RYR1: variants seen among roughly 807,000 people sequenced by gnomAD.
The protein encoded by RYR1 is central core disease of muscle.
Under a neutral mutation model 583.5 loss-of-function variants are expected in RYR1, and 342 were observed. That is an observed-to-expected ratio of 0.59 (90% CI 0.54 to 0.64). The LOEUF (loss-of-function observed/expected upper bound fraction) is 0.64, where lower values mean the gene tolerates loss of function less well. Ranked by LOEUF, RYR1 falls within the 30% of genes least tolerant of loss-of-function variation. The pLI, the probability that RYR1 is intolerant of heterozygous loss-of-function variation, is 0.00. For missense variants in RYR1, 6,032 were observed against 6,917.2 expected (o/e 0.87, Z 4.54); for synonymous variants, 2,791 against 2,822.5 (o/e 0.99, Z 0.35).
chr19:38,570,477 A>T (rs1177327799), intron 93 of RYR1, 130 bp from the exon 94 acceptor site: 3 of 473,084 alleles, frequency 6.3e-6, no homozygotes, highest in Non-Finnish European at 1.1e-5. Flanking sequence ...AATAATTAAT[A>T]AATAAATAGG....
At position 38,529,010 on chromosome 19, in the gene RYR1, G is replaced by A. The variant is rs941520055; in HGVS notation, c.11094G>A (p.Leu3698=). The change falls in exon 76 of 106, where the codon CTG becomes CTA. Residue 3698 remains leucine (L), a synonymous_variant. Transcript: ENST00000359596. The part of the protein sequence containing the change: ...EEVEEKKPDP[L]HQLVLHFSRT... ...TGGAAGAGAAGAAGCCAGACCCCCT[G>A]CACCAGTTGGTCCTGCACTTCAGCC... 6.2e-7 allele frequency: 1 copy of A among 1,613,800 alleles called. No homozygotes were observed. The highest frequency in any genetic ancestry group is 1.3e-5 in the African/African-American group (1 of 74,928).
Position 38,496,354 on chromosome 19 carries a change from G to A in RYR1, c.6663+25G>A. ...GGTGAGGGCCCAGGCAGGTGCTGGG[G>A]AGCTCAGGGGAGGCAGCCACAGAGG... On this transcript the variant is annotated intron_variant, in intron 40 of 105. Transcript: ENST00000359596. The surrounding 1 kb of genome is among the most constrained non-coding windows in gnomAD (Gnocchi z 4.8). The A allele has an allele frequency of 6.2e-7, 1 of 1,613,800 alleles. No individual in the cohort carries two copies. The highest frequency in any genetic ancestry group is 8.5e-7 in the Non-Finnish European group (1 of 1,180,034).
intron 37 of RYR1, 46 bp downstream of exon 37, chr19:38,490,778 C>A (rs367819613): frequency 1.6e-6 from 2 of 1,236,518 alleles, no homozygotes; most frequent in African/African-American, 1.5e-5. Flanking sequence ...AACTTTCTCT[C>A]GAGACCTCTC....
chr19:38,521,410 G>A (rs958401366), intron 67 of RYR1, among the ~76,000 whole-genome samples: 3 of 151,242 alleles, frequency 2.0e-5, no homozygotes, highest in Admixed American at 2.0e-4. Flanking sequence ...GCAGTGGCTC[G>A]TGACTGTAAT....
intron 28 of RYR1, among the ~76,000 whole-genome samples, chr19:38,474,980 C>T (rs191148421): frequency 3.9e-5 from 6 of 152,100 alleles, no homozygotes. Flanking sequence ...AAAACAGTGC[C>T]GCACAATGAA....
intron 1 of RYR1, among the ~76,000 whole-genome samples, chr19:38,437,514 G>A (rs1466342978): frequency 6.6e-6 from 1 of 151,944 alleles, no homozygotes; most frequent in African/African-American, 2.4e-5. Flanking sequence ...TGGAAAATGG[G>A]GACAAGATTA....
chr19:38,469,674 A>G (rs1968313726), intron 27 of RYR1, among the ~76,000 whole-genome samples, 161 bp downstream of exon 27: 1 of 152,154 alleles, frequency 6.6e-6, no homozygotes, highest in Non-Finnish European at 1.5e-5. Context: ...CTCCGGGTGT[A>G]ACTTTGGCAA....
At chr19:38,491,166 T>C (rs1237765811) in intron 37 of RYR1, among the ~76,000 whole-genome samples, 3 of 152,240 alleles carry the variant, frequency 2.0e-5, no homozygotes, top group Non-Finnish European at 4.4e-5. Flanking sequence ...TATTTTTCCT[T>C]GGCTGACTTT....
At position 38,486,154 on chromosome 19, in the gene RYR1, C is replaced by T; in HGVS notation, c.5499C>T (p.Ser1833=). Residue 1833 remains serine (S), a synonymous_variant, in exon 34 of 106, where the codon TCC becomes TCT. Coordinates refer to ENST00000359596, the MANE Select transcript of RYR1 (RefSeq NM_000540.3). ...GQHARDPVGG[S]VEFQFVPVLK... ...ACGCTCGCGACCCCGTCGGGGGCTC[C>T]GTGGAGTTCCAGTTTGTGCCTGTGC... 1 of 1,613,096 alleles carries T rather than the reference C, an allele frequency of 6.2e-7. No homozygotes were observed. Among genetic ancestry groups the T allele is most frequent in the South Asian group, 1.1e-5 (1 of 91,082 alleles).
In RYR1 at chr19:38,584,978, T is replaced by C. The variant is rs1447997125; in HGVS notation, c.14682T>C (p.Ala4894=). Residue 4894 remains alanine, a synonymous_variant, in exon 102 of 106, where the codon GCT becomes GCC. Coordinates refer to ENST00000359596, the MANE Select transcript of RYR1 (RefSeq NM_000540.3). ...TTCACATGTACGTGGGTGTCCGGGCTGGCGGAGGCATTGGGGACGAGATCG... is the reference window on the plus strand; with the variant it reads ...TTCACATGTACGTGGGTGTCCGGGCCGGCGGAGGCATTGGGGACGAGATCG... ...YLFHMYVGVR[A]GGGIGDEIED... 1.2e-6 allele frequency: 2 copies of C among 1,614,026 alleles called. No homozygotes were observed. The highest frequency in any genetic ancestry group is 4.5e-5 in the East Asian group (2 of 44,864).
chr19:38,506,671 AC>A, intron 56 of RYR1, 125 bp downstream of exon 56: 4 of 1,471,210 alleles, frequency 2.7e-6, no homozygotes, highest in Non-Finnish European at 3.7e-6. Context: ...AGCGTTTACC[AC>A]CATGGGGTAA....
chr19:38,533,563 G>A (rs191582959), intron 78 of RYR1, among the ~76,000 whole-genome samples: 4 of 152,216 alleles, frequency 2.6e-5, no homozygotes, highest in South Asian at 2.1e-4. Context: ...AGGCCAAGGC[G>A]GGTGGATCAC....
Position 38,536,003 on chromosome 19 carries a change from G to A in RYR1, c.11523G>A (p.Leu3841=), listed in dbSNP as rs1429995167. 1 of 1,613,816 alleles carries A rather than the reference G, an allele frequency of 6.2e-7. No individual in the cohort carries two copies. The highest frequency in any genetic ancestry group is 1.1e-5 in the South Asian group (1 of 90,908). ...TTTCCTTTCTTTTCCTCAGCGTCCT[G>A]GATCTCAATGCCTTTGAGAGACAGA... ...IQALMQTCSV[L]DLNAFERQNK... Residue 3841 remains leucine (L), a synonymous_variant, in exon 82 of 106, where the codon CTG becomes CTA. Coordinates refer to ENST00000359596, the MANE Select transcript of RYR1 (RefSeq NM_000540.3).
chr19:38,531,251 A>C (rs1036562488), intron 76 of RYR1, among the ~76,000 whole-genome samples: 8 of 152,008 alleles, frequency 5.3e-5, no homozygotes, highest in Non-Finnish European at 1.2e-4. Context: ...CCCATTTTGC[A>C]TCCTGTGGGA....
chr19:38,545,744 G>T (rs1972394558), intron 87 of RYR1, among the ~76,000 whole-genome samples: 1 of 151,864 alleles, frequency 6.6e-6, no homozygotes, highest in Admixed American at 6.6e-5. Context: ...CTGGGAGGCA[G>T]AAGTTGCAGT....
chr19:38,495,208 G>A (rs1969760667), intron 39 of RYR1, among the ~76,000 whole-genome samples: 1 of 152,142 alleles, frequency 6.6e-6, no homozygotes, highest in Non-Finnish European at 1.5e-5. Flanking sequence ...GGAGAGCCAA[G>A]CCTACTCTGA....
chr19:38,482,587 A>G (rs554606408), intron 31 of RYR1, among the ~76,000 whole-genome samples: 2 of 152,206 alleles, frequency 1.3e-5, no homozygotes, highest in South Asian at 4.2e-4. Context: ...AGTAGCTGCA[A>G]CTACAGATAT....
In RYR1 at chr19:38,572,215, G is replaced by T; in HGVS notation, c.13943G>T (p.Ser4648Ile). The T allele has an allele frequency of 6.2e-7, 1 of 1,613,494 alleles. No individual in the cohort carries two copies. The highest frequency in any genetic ancestry group is 2.2e-5 in the East Asian group (1 of 44,854). ...GYMEPALRCL[S>I]LLHTLVAFLC... ...ATGGAACCCGCCCTGCGGTGTCTGA[G>T]CCTCCTGCATACACTGGTGGCCTTT... The change falls in exon 95 of 106, where the codon AGC (serine) becomes ATC (isoleucine). Residue 4648 changes from serine (S) to isoleucine (I), a missense_variant. Physicochemically the swap from Ser to Ile is moderately radical, Grantham distance 142 (BLOSUM62 -2). Transcript: ENST00000359596.
Position 38,484,627 on chromosome 19 carries a change from G to A in RYR1, c.4935-963G>A, listed in dbSNP as rs183215558. The stretch of plus-strand genomic sequence containing the variant: ...GCTCGGACATGCCCAAAGGGACCCA[G>A]GGTCATCCCCAGGGCCCCAGACACA... On this transcript the variant is annotated intron_variant, in intron 33 of 105. Coordinates refer to ENST00000359596, the MANE Select transcript of RYR1 (RefSeq NM_000540.3). Among the ~76,000 whole-genome samples the A allele has an allele frequency of 3.4e-4, 52 of 152,082 alleles. No homozygotes were observed. In the East Asian group the frequency reaches 8.4e-3, roughly 24 times the overall value.
Sources: allele counts gnomAD v4.1 joint callset (sites outside exome capture counted in the v4.1 genomes callset), GRCh38; gene constraint gnomAD v4.1.1; non-coding constraint Gnocchi (gnomAD v3.1); transcripts MANE v1.5; gene names NCBI Gene and HGNC (gene_info 2026-07-23, HGNC 2026-07-21).